PTPRG: variants seen among roughly 807,000 people sequenced by gnomAD.
PTPRG encodes the protein protein tyrosine phosphatase receptor type G.
In PTPRG, 102 loss-of-function variants were observed where a neutral mutation model predicts 165.3. That is an observed-to-expected ratio of 0.62 (90% CI 0.53 to 0.73). PTPRG has a LOEUF of 0.73. PTPRG is among the 30% of genes least tolerant of loss of function. PTPRG has a pLI of 0.00. For missense variants in PTPRG, 1,866 were observed against 1,861.4 expected, an observed-to-expected ratio of 1.00 and a Z score of -0.05; for synonymous variants, 675 against 669.5, an observed-to-expected ratio of 1.01 and a Z score of -0.13.
intron 5 of PTPRG, among the ~76,000 whole-genome samples, chr3:62,126,048 C>A (rs1427356919): frequency 6.6e-6 from 1 of 152,136 alleles, no homozygotes; most frequent in African/African-American, 2.4e-5. Context: ...TTGAGAGAAT[C>A]CAAAGTTTGA....
intron 2 of PTPRG, among the ~76,000 whole-genome samples, chr3:61,958,088 G>A (rs2040072902): frequency 6.6e-6 from 1 of 151,712 alleles, no homozygotes; most frequent in South Asian, 2.1e-4. Context: ...CCTGTTTAGG[G>A]GCTAGTTACA....
rs372488201 is a variant in PTPRG at position 61,734,456 on chromosome 3, C to G, written c.86-14422C>G. ...GCAGAGGTGATATTTAAGAACAAAT[C>G]CATTTAATAAACCTTTGTAAGTAAT... On this transcript the variant is annotated intron_variant, in intron 1 of 29. Transcript: ENST00000474889. Among the ~76,000 whole-genome samples the G allele has an allele frequency of 5.9e-5, 9 of 152,280 alleles. No homozygotes were observed. The South Asian group carries it at 6.2e-4, about 11-fold the overall frequency.
intron 1 of PTPRG, among the ~76,000 whole-genome samples, chr3:61,719,206 T>C (rs2031945179): frequency 6.6e-6 from 1 of 152,220 alleles, no homozygotes; most frequent in Admixed American, 6.5e-5. Context: ...GGATATGAAT[T>C]GTAGAAATTT....
At position 61,824,160 on chromosome 3, in the gene PTPRG, C is replaced by G. The variant is rs532161912; in HGVS notation, c.190+75178C>G. Among the ~76,000 whole-genome samples the G allele has an allele frequency of 9.6e-4, 146 of 152,084 alleles. 4 individuals are homozygous for G. The South Asian group carries it at 0.029, about 30-fold the overall frequency. On this transcript the variant is annotated intron_variant, in intron 2 of 29. Transcript: ENST00000474889. ...AAAAAGATGATGAAAAATGAGTTGA[C>G]AGTTGTGAGATTTGAGTGAGAGATT...
chr3:61,964,342 C>T (rs1479396), intron 2 of PTPRG, among the ~76,000 whole-genome samples: 36,154 of 151,984 alleles, frequency 0.24, 4,923 homozygotes, highest in African/African-American at 0.37. Context: ...GTGAATGAGG[C>T]GGGAAACGTC....
chr3:61,650,063 C>A (rs1054208873), intron 1 of PTPRG, among the ~76,000 whole-genome samples: 2 of 152,164 alleles, frequency 1.3e-5, no homozygotes, highest in Non-Finnish European at 2.9e-5. Flanking sequence ...CTTAATTCTT[C>A]CACCTTTTCT....
chr3:62,052,921 A>G (rs1700509614), intron 4 of PTPRG, among the ~76,000 whole-genome samples: 1 of 152,184 alleles, frequency 6.6e-6, no homozygotes, highest in Non-Finnish European at 1.5e-5. Flanking sequence ...TCAGATACAT[A>G]TGCATATCGC....
In PTPRG at chr3:61,814,947, G is replaced by C. The variant is rs548036222; in HGVS notation, c.190+65965G>C. Among the ~76,000 whole-genome samples, 6 of 152,120 alleles carry C rather than the reference G, an allele frequency of 3.9e-5. No homozygotes were observed. In the East Asian group the frequency reaches 1.2e-3, roughly 29 times the overall value. ...AAGATGCTGAAGCTTAGAGTGGCCA[G>C]TGGTAGAGACAGGATTTAAACTCAT... On this transcript the variant is annotated intron_variant, in intron 2 of 29. Transcript: ENST00000474889.
chr3:62,136,632 G>T (rs1441756729), intron 6 of PTPRG, among the ~76,000 whole-genome samples: 7 of 152,172 alleles, frequency 4.6e-5, no homozygotes, highest in Non-Finnish European at 7.3e-5. Flanking sequence ...GGACCCAGTG[G>T]GAGGTAATTG....
At position 62,038,345 on chromosome 3, in the gene PTPRG, C is replaced by T. The variant is rs963237304; in HGVS notation, c.519+34848C>T. Among the ~76,000 whole-genome samples the T allele has an allele frequency of 7.2e-5, 11 of 152,104 alleles. 1 individual carries two copies. The highest frequency in any genetic ancestry group is 1.3e-4 in the Non-Finnish European group (9 of 68,010). On this transcript the variant is annotated intron_variant, in intron 4 of 29. Coordinates refer to ENST00000474889, the MANE Select transcript of PTPRG (RefSeq NM_002841.4). Reference sequence around the variant, plus strand: ...CCTGGTGTGGTCTTTGCAGAGCATTCGATTAAGCATATCATTGCTTATCTA... The same window carrying T: ...CCTGGTGTGGTCTTTGCAGAGCATTTGATTAAGCATATCATTGCTTATCTA...
intron 2 of PTPRG, among the ~76,000 whole-genome samples, chr3:61,858,619 A>C (rs936447810): frequency 1.3e-5 from 2 of 152,198 alleles, no homozygotes; most frequent in Non-Finnish European, 2.9e-5. Flanking sequence ...ATTTTTTAAA[A>C]CAAGTAAATG....
intron 1 of PTPRG, among the ~76,000 whole-genome samples, chr3:61,738,850 T>A (rs1162413918): frequency 1.3e-5 from 2 of 152,056 alleles, no homozygotes; most frequent in South Asian, 4.1e-4. Flanking sequence ...TCACGGCTCA[T>A]GGCAACCTCA....
intron 1 of PTPRG, among the ~76,000 whole-genome samples, chr3:61,601,589 T>C (rs1241332965): frequency 6.6e-6 from 1 of 152,266 alleles, no homozygotes; most frequent in Non-Finnish European, 1.5e-5. Flanking sequence ...GTCTCTTCCA[T>C]AAGAGTTCTT....
chr3:62,292,272 C>G, intron 28 of PTPRG, 149 bp from the exon 29 acceptor site: 1 of 890,208 alleles, frequency 1.1e-6, no homozygotes, highest in Non-Finnish European at 1.7e-6. Flanking sequence ...CAAATCCCTC[C>G]CCCACCAGCA....
intron 10 of PTPRG, among the ~76,000 whole-genome samples, chr3:62,199,745 G>T (rs950135610): frequency 6.6e-6 from 1 of 152,124 alleles, no homozygotes; most frequent in Admixed American, 6.5e-5. Context: ...AGTTTATATA[G>T]CACTTTTGTT....
chr3:61,750,881 C>T lies in PTPRG; in HGVS notation c.190+1899C>T, dbSNP rs529253175. The T allele has an allele frequency of 3.0e-4, 45 of 152,164 alleles. No individual in the cohort carries two copies. The South Asian group carries it at 7.3e-3, about 25-fold the overall frequency. 9.4% of individuals were successfully genotyped at this position (152,164 alleles called of 1,614,324 possible). ...AAACAGGTGGCTGGTTGGATAGGGT[C>T]CACAGGTTATATAGTTTGTGAACCC... On this transcript the variant is annotated intron_variant, in intron 2 of 29. Transcript: ENST00000474889.
intron 28 of PTPRG, among the ~76,000 whole-genome samples, chr3:62,291,317 C>T (rs371276287): frequency 2.0e-3 from 297 of 152,250 alleles, no homozygotes; most frequent in African/African-American, 6.6e-3. Flanking sequence ...AAACTAAAAA[C>T]AGGCATACCT....
At chr3:62,006,539 T>C (rs1024740479) in intron 4 of PTPRG, among the ~76,000 whole-genome samples, 3 of 152,194 alleles carry the variant, frequency 2.0e-5, no homozygotes, top group Admixed American at 6.5e-5. Context: ...TAAGAAAATT[T>C]AATTTATCAT....
intron 2 of PTPRG, among the ~76,000 whole-genome samples, chr3:61,937,363 C>T (rs562619768): frequency 3.9e-5 from 6 of 152,278 alleles, no homozygotes; most frequent in Non-Finnish European, 8.8e-5. Flanking sequence ...CCCGTGGTAG[C>T]TTGTGCAAGG....
Sources: allele counts gnomAD v4.1 joint callset (sites outside exome capture counted in the v4.1 genomes callset), GRCh38; gene constraint gnomAD v4.1.1; transcripts MANE v1.5; gene names NCBI Gene and HGNC (gene_info 2026-07-23, HGNC 2026-07-21).